The following AK5 variants were observed in gnomAD, a reference collection of about 807,000 sequenced individuals.
AK5 encodes adenylate kinase 5, also known as adenylate kinase isoenzyme 5.
AK5 carries 27 observed loss-of-function variants against 69.5 expected under a neutral mutation model. The observed-to-expected ratio is 0.39, with a 90% CI of 0.29 to 0.54. The LOEUF is 0.54. Among genes scored for constraint, AK5 ranks in the 20% least tolerant of loss-of-function variants. The pLI is 0.71. For synonymous variants in AK5, 260 were observed against 244.4 expected (o/e 1.06, Z -0.60); for missense variants, 531 against 700.4 (o/e 0.76, Z 2.73).
chr1:77,407,541 G>C (rs1649741621), intron 6 of AK5, among the ~76,000 whole-genome samples: 1 of 152,146 alleles, frequency 6.6e-6, no homozygotes, highest in South Asian at 2.1e-4. Flanking sequence ...AGTCTTTGGG[G>C]GGTGATGGGT....
chr1:77,405,151 TGAAA>T (rs1435932971), intron 6 of AK5, among the ~76,000 whole-genome samples: 6 of 152,304 alleles, frequency 3.9e-5, no homozygotes, highest in African/African-American at 1.4e-4. Context: ...AAGAGAGAAA[TGAAA>T]GTGACAATTT....
intron 5 of AK5, among the ~76,000 whole-genome samples, chr1:77,335,001 A>T (rs1036499368): frequency 2.6e-5 from 4 of 151,960 alleles, no homozygotes; most frequent in African/African-American, 9.7e-5. Flanking sequence ...TTCAACTGTG[A>T]TTTTCTCTTT....
At chr1:77,343,735 T>C (rs1661776780) in intron 6 of AK5, among the ~76,000 whole-genome samples, 1 of 152,202 alleles carries the variant, frequency 6.6e-6, no homozygotes, top group Non-Finnish European at 1.5e-5. Context: ...TAAAACGGTG[T>C]CTAGAATATT....
chr1:77,357,570 A>G (rs1662600514), intron 6 of AK5, among the ~76,000 whole-genome samples: 1 of 152,180 alleles, frequency 6.6e-6, no homozygotes, highest in Non-Finnish European at 1.5e-5. Flanking sequence ...CATCATGCAA[A>G]TATGTTTTAG....
intron 5 of AK5, among the ~76,000 whole-genome samples, chr1:77,320,823 C>T (rs1311342003): frequency 2.0e-5 from 3 of 152,148 alleles, no homozygotes; most frequent in African/African-American, 7.2e-5. Flanking sequence ...AAGTAGACTT[C>T]AGACAGAGTA....
intron 11 of AK5, among the ~76,000 whole-genome samples, chr1:77,520,072 G>A (rs553445765): frequency 6.6e-5 from 10 of 151,840 alleles, no homozygotes; most frequent in Admixed American, 4.6e-4. Context: ...GCATGGTGGC[G>A]GGCACCTGTA....
At chr1:77,331,648 T>C (rs1324391887) in intron 5 of AK5, among the ~76,000 whole-genome samples, 2 of 152,200 alleles carry the variant, frequency 1.3e-5, no homozygotes, top group African/African-American at 4.8e-5. Context: ...TGTGTCTATG[T>C]TCATGAGTGA....
At chr1:77,329,591 G>A (rs552154771) in intron 5 of AK5, among the ~76,000 whole-genome samples, 2 of 152,276 alleles carry the variant, frequency 1.3e-5, no homozygotes, top group Non-Finnish European at 2.9e-5. Context: ...GGCTTCTAGA[G>A]GATGCCTGAA....
In AK5 at chr1:77,467,077, G is replaced by A. The variant is rs116666188; in HGVS notation, c.1060-16240G>A. On this transcript the variant is annotated intron_variant, in intron 8 of 13. Coordinates refer to ENST00000354567, the MANE Select transcript of AK5 (RefSeq NM_174858.3). The stretch of plus-strand genomic sequence containing the variant: ...CTTAGATGTGAACATGCATCAAATT[G>A]TAACTCTCCCTGAATTGTAACATAC... Among the ~76,000 whole-genome samples the A allele has an allele frequency of 2.3e-3, 354 of 152,308 alleles. 3 individuals are homozygous for A. The highest frequency in any genetic ancestry group is 8.3e-3 in the African/African-American group (343 of 41,568).
intron 6 of AK5, among the ~76,000 whole-genome samples, chr1:77,363,831 C>G (rs1460219611): frequency 6.6e-6 from 1 of 152,176 alleles, no homozygotes; most frequent in Admixed American, 6.5e-5. Context: ...TGCAACACCC[C>G]TTAACCACAC....
intron 5 of AK5, among the ~76,000 whole-genome samples, chr1:77,332,134 A>G (rs1661121793): frequency 6.6e-6 from 1 of 152,284 alleles, no homozygotes. Flanking sequence ...AACATTTCCA[A>G]ATTGTTTTCA....
chr1:77,306,120 G>C (rs1042630891), intron 5 of AK5, among the ~76,000 whole-genome samples: 37 of 152,178 alleles, frequency 2.4e-4, no homozygotes, highest in Admixed American at 2.0e-3. Flanking sequence ...GTACTATGTT[G>C]AATAATGATG....
chr1:77,394,349 T>C (rs758682500), intron 6 of AK5, among the ~76,000 whole-genome samples: 2 of 152,174 alleles, frequency 1.3e-5, no homozygotes, highest in African/African-American at 4.8e-5. Flanking sequence ...GCCTGGAATA[T>C]TGTGGGCTCA....
chr1:77,469,468 A>G (rs920340453), intron 8 of AK5, among the ~76,000 whole-genome samples: 1 of 152,230 alleles, frequency 6.6e-6, no homozygotes, highest in African/African-American at 2.4e-5. Flanking sequence ...CTCTTGCCCA[A>G]CAGTTTCCAG....
chr1:77,463,226 CCTT>C (rs1399418268), intron 8 of AK5, among the ~76,000 whole-genome samples: 6 of 152,222 alleles, frequency 3.9e-5, no homozygotes. Context: ...AATAATCTCT[CCTT>C]CTCTGGGGAG....
chr1:77,290,400 A>T (rs1019526530), intron 2 of AK5, among the ~76,000 whole-genome samples: 20 of 152,230 alleles, frequency 1.3e-4, no homozygotes, highest in Admixed American at 3.9e-4. Context: ...TGCCATAGCT[A>T]TGTTAATGTG....
chr1:77,426,683 A>AAT (rs1419928541), intron 8 of AK5, among the ~76,000 whole-genome samples: 2 of 152,208 alleles, frequency 1.3e-5, no homozygotes, highest in Non-Finnish European at 2.9e-5. Flanking sequence ...ACAACAACAG[A>AAT]ATACACATTC....
chr1:77,328,910 A>G (rs1406917082), intron 5 of AK5, among the ~76,000 whole-genome samples: 1 of 152,224 alleles, frequency 6.6e-6, no homozygotes, highest in Non-Finnish European at 1.5e-5. Context: ...GAGGCTGGGA[A>G]GCCTAAGAGG....
chr1:77,320,518 G>A (rs1424681029), intron 5 of AK5, among the ~76,000 whole-genome samples: 1 of 152,094 alleles, frequency 6.6e-6, no homozygotes, highest in South Asian at 2.1e-4. Context: ...GGAGGCTGAG[G>A]CAGGTGGGTC....
Sources: gnomAD v4.1 joint callset for allele counts (sites outside exome capture counted in the v4.1 genomes callset) on GRCh38, gnomAD v4.1.1 for gene constraint, MANE v1.5 for transcripts, NCBI Gene and HGNC (gene_info 2026-07-23, HGNC 2026-07-21) for gene names.